AKAP13: variants seen among roughly 807,000 people sequenced by gnomAD.
AKAP13 encodes A-kinase anchor protein 13.
In AKAP13, 80 loss-of-function variants were observed where a neutral mutation model predicts 264.5. That is an observed-to-expected ratio of 0.30 (90% CI 0.25 to 0.36). The LOEUF (loss-of-function observed/expected upper bound fraction) is 0.36, where lower values mean the gene tolerates loss of function less well. Ranked by LOEUF, AKAP13 falls within the 10% of genes least tolerant of loss-of-function variation. The pLI is 1.00. For missense variants in AKAP13, 3,712 were observed against 3,435.2 expected (o/e 1.08, Z -2.01); for synonymous variants, 1,380 against 1,250.2 (o/e 1.10, Z -2.19).
Position 85,655,629 on chromosome 15 carries a change from C to T in AKAP13, c.4587C>T (p.Asp1529=), listed in dbSNP as rs2083059091. The change falls in exon 11 of 37, where the codon GAC becomes GAT. Residue 1529 remains aspartate (D), a synonymous_variant. Coordinates refer to ENST00000394518, the MANE Select transcript of AKAP13 (RefSeq NM_007200.5). ...EGRESESEPA[D]PGDVEEEEMD... is the part of the protein sequence containing the mutation. ...GAGAAAGTGAGAGTGAGCCTGCTGA[C>T]CCAGGCGACGTGGAGGAGGAGGAGA... is the stretch of plus-strand genomic sequence containing the variant. 1 of 1,614,194 alleles carries T rather than the reference C, an allele frequency of 6.2e-7. No homozygotes were observed. Among genetic ancestry groups the T allele is most frequent in the Non-Finnish European group, 8.5e-7 (1 of 1,180,044 alleles).
chr15:85,680,727 A>C (rs2084545875), intron 14 of AKAP13, among the ~76,000 whole-genome samples: 1 of 152,192 alleles, frequency 6.6e-6, no homozygotes, highest in Non-Finnish European at 1.5e-5. Context: ...ATAATAGATA[A>C]AAATAATAAC....
chr15:85,737,412 T>C (rs1224606340), intron 33 of AKAP13, among the ~76,000 whole-genome samples: 2 of 152,308 alleles, frequency 1.3e-5, no homozygotes, highest in East Asian at 1.9e-4. Context: ...TAGAAGCCGA[T>C]ACATGATAAT....
At chr15:85,623,429 T>G (rs12592253) in intron 8 of AKAP13, among the ~76,000 whole-genome samples, 6,954 of 152,342 alleles carry the variant, frequency 0.046, 242 homozygotes, top group East Asian at 0.17. Flanking sequence ...CCCATTGACA[T>G]CCTAATAATT....
chr15:85,585,913 G>A (rs999006819), intron 8 of AKAP13, 90 bp downstream of exon 8: 7 of 1,528,390 alleles, frequency 4.6e-6, no homozygotes, highest in Admixed American at 1.8e-5. Flanking sequence ...TTATTTGAGG[G>A]TAAGTGGGCA....
At chr15:85,599,939 A>T (rs2079981933) in intron 8 of AKAP13, among the ~76,000 whole-genome samples, 1 of 152,178 alleles carries the variant, frequency 6.6e-6, no homozygotes, top group African/African-American at 2.4e-5. Context: ...ACTTGGAGTC[A>T]CCCTATTGGT....
intron 1 of AKAP13, among the ~76,000 whole-genome samples, chr15:85,382,576 G>T (rs1203395794): frequency 6.6e-6 from 1 of 152,196 alleles, no homozygotes; most frequent in Admixed American, 6.5e-5. Context: ...ACAACATGAC[G>T]TGACGAGTGC....
chr15:85,683,985 C>T (rs2084756303), intron 15 of AKAP13, among the ~76,000 whole-genome samples: 1 of 152,126 alleles, frequency 6.6e-6, no homozygotes, highest in Non-Finnish European at 1.5e-5. Flanking sequence ...TGGACCAGTC[C>T]ACAGTCCTGA....
At chr15:85,399,516 AAAAAAATAAAAAAATAAAAAAATAAAT>A (rs2071299708) in intron 1 of AKAP13, among the ~76,000 whole-genome samples, 1 of 135,274 alleles carries the variant, frequency 7.4e-6, no homozygotes, top group African/African-American at 2.8e-5. Flanking sequence ...AAAAAAAAAA[AAAAAAATAAAAAAATAAAAAAATAAAT>A]AAATAAATAA....
At chr15:85,709,983 C>T (rs1214475738) in intron 18 of AKAP13, among the ~76,000 whole-genome samples, 2 of 152,188 alleles carry the variant, frequency 1.3e-5, no homozygotes, top group Non-Finnish European at 2.9e-5. Flanking sequence ...TCACCGCACC[C>T]TGCCTGGAAT....
At chr15:85,499,052 A>G (rs556996573) in intron 2 of AKAP13, among the ~76,000 whole-genome samples, 4 of 152,350 alleles carry the variant, frequency 2.6e-5, no homozygotes, top group African/African-American at 9.6e-5. Flanking sequence ...GTAACCCATC[A>G]GCAGTGGTTG....
At chr15:85,672,305 C>T (rs903901684) in intron 14 of AKAP13, among the ~76,000 whole-genome samples, 7 of 152,230 alleles carry the variant, frequency 4.6e-5, no homozygotes, top group East Asian at 3.8e-4. Flanking sequence ...ACCTTAATGT[C>T]ACTATTTCTC....
intron 7 of AKAP13, chr15:85,583,176 C>T (rs1326036851): frequency 7.1e-6 from 7 of 985,076 alleles, no homozygotes; most frequent in Non-Finnish European, 8.4e-6. Flanking sequence ...TAAGAAGCAG[C>T]CTGTTTTGTC....
intron 1 of AKAP13, among the ~76,000 whole-genome samples, chr15:85,439,902 A>G (rs1181136977): frequency 6.6e-6 from 1 of 151,290 alleles, no homozygotes; most frequent in African/African-American, 2.4e-5. Flanking sequence ...GCGCACGAGC[A>G]TGGCACATGT....
At chr15:85,589,504 C>T (rs13379958) in intron 8 of AKAP13, among the ~76,000 whole-genome samples, 1 of 151,552 alleles carries the variant, frequency 6.6e-6, no homozygotes, top group African/African-American at 2.4e-5. Flanking sequence ...GCCTGTAATT[C>T]TGCCACTTTG....
intron 17 of AKAP13, among the ~76,000 whole-genome samples, chr15:85,699,042 A>T (rs763558532): frequency 3.3e-5 from 5 of 151,822 alleles, no homozygotes; most frequent in Admixed American, 6.6e-5. Context: ...AGAGATTTGC[A>T]GGTGCAGACA....
chr15:85,684,828 A>G lies in AKAP13; in HGVS notation c.5244A>G (p.Thr1748=). Residue 1748 remains threonine, a synonymous_variant, in exon 16 of 37, where the codon ACA becomes ACG. Transcript: ENST00000394518. ...AGAGTGGAACAAAAGTCAGTCGTAC[A>G]TTCAGCTACATCAAGAATAAAATGT... ...EWKSGTKVSR[T]FSYIKNKMSS... The G allele has an allele frequency of 6.2e-7, 1 of 1,614,054 alleles. No individual in the cohort carries two copies. Among genetic ancestry groups the G allele is most frequent in the East Asian group, 2.2e-5 (1 of 44,884 alleles).
chr15:85,714,988 A>G (rs1290163871), intron 19 of AKAP13, among the ~76,000 whole-genome samples: 1 of 152,142 alleles, frequency 6.6e-6, no homozygotes, highest in African/African-American at 2.4e-5. Flanking sequence ...AAATTCTTTC[A>G]ATCTTATTTG....
At chr15:85,693,140 T>A in intron 16 of AKAP13, 137 bp from the exon 17 acceptor site, 1 of 1,352,548 alleles carries the variant, frequency 7.4e-7, no homozygotes, top group Non-Finnish European at 9.5e-7. Context: ...ACAAAACACT[T>A]TGCCCAGAAC....
intron 1 of AKAP13, among the ~76,000 whole-genome samples, chr15:85,481,647 C>T (rs2075355333): frequency 6.6e-6 from 1 of 152,246 alleles, no homozygotes; most frequent in Non-Finnish European, 1.5e-5. Context: ...TTCCTTTCAA[C>T]TGTAGCTGGC....
Sources: allele counts gnomAD v4.1 joint callset (sites outside exome capture counted in the v4.1 genomes callset), GRCh38; gene constraint gnomAD v4.1.1; transcripts MANE v1.5; gene names NCBI Gene and HGNC (gene_info 2026-07-23, HGNC 2026-07-21).